The following WDR70 variants were observed in gnomAD, a reference collection of about 807,000 sequenced individuals.
WDR70 encodes WD repeat-containing protein 70.
A neutral mutation model predicts 88.6 loss-of-function variants in WDR70; 53 were observed. That is an observed-to-expected ratio of 0.60 (90% confidence interval 0.48 to 0.75). The LOEUF (loss-of-function observed/expected upper bound fraction) is 0.75, where lower values mean the gene tolerates loss of function less well. Ranked by LOEUF, WDR70 falls within the 30% of genes least tolerant of loss-of-function variation. The probability of loss-of-function intolerance (pLI) is 0.00; values close to 1 mark genes in which losing one functional copy is unlikely to be tolerated. For missense variants in WDR70, 610 were observed against 823.2 expected, an observed-to-expected ratio of 0.74 and a Z score of 3.17; for synonymous variants, 280 against 270.0, an observed-to-expected ratio of 1.04 and a Z score of -0.36.
chr5:37,721,593 C>A, intron 14 of WDR70: 1 of 182,702 alleles, frequency 5.5e-6, no homozygotes, highest in African/African-American at 2.3e-5. Flanking sequence ...ATCAGCTTGT[C>A]CATTTTGCTT....
At chr5:37,441,996 G>A (rs906064464) in intron 6 of WDR70, among the ~76,000 whole-genome samples, 15 of 151,428 alleles carry the variant, frequency 9.9e-5, no homozygotes, top group East Asian at 1.9e-4. Context: ...GGATATTGAC[G>A]TGTGAATTGG....
chr5:37,408,338 A>ATGG (rs1749417694), intron 5 of WDR70, among the ~76,000 whole-genome samples: 2 of 152,074 alleles, frequency 1.3e-5, no homozygotes, highest in Admixed American at 1.3e-4. Flanking sequence ...GCCAGGTGTC[A>ATGG]TGGCACACGC....
At chr5:37,497,409 C>G (rs1387326409) in intron 8 of WDR70, among the ~76,000 whole-genome samples, 1 of 118,610 alleles carries the variant, frequency 8.4e-6, no homozygotes, top group African/African-American at 3.2e-5. Flanking sequence ...TCCTTCCCCT[C>G]CCCTCCCCTT....
intron 5 of WDR70, among the ~76,000 whole-genome samples, chr5:37,405,039 C>A (rs1006347404): frequency 6.6e-6 from 1 of 152,074 alleles, no homozygotes; most frequent in Non-Finnish European, 1.5e-5. Context: ...AGAGCTTTCT[C>A]TTGATGAAAG....
At chr5:37,686,675 C>T (rs1242014818) in intron 10 of WDR70, among the ~76,000 whole-genome samples, 2 of 151,918 alleles carry the variant, frequency 1.3e-5, no homozygotes, top group African/African-American at 2.4e-5. Flanking sequence ...ACTGATATTC[C>T]TTATAATGTA....
intron 13 of WDR70, among the ~76,000 whole-genome samples, chr5:37,712,984 G>A (rs1747557612): frequency 6.6e-6 from 1 of 152,098 alleles, no homozygotes; most frequent in Non-Finnish European, 1.5e-5. Flanking sequence ...GAGCCATCGC[G>A]CCTGGCCTCA....
At chr5:37,716,980 G>C (rs1039719137) in intron 13 of WDR70, among the ~76,000 whole-genome samples, 1 of 151,950 alleles carries the variant, frequency 6.6e-6, no homozygotes. Context: ...CTGCAGAGAA[G>C]AAAAAAATCT....
chr5:37,409,063 C>T lies in WDR70; in HGVS notation c.492+12493C>T, dbSNP rs555904571. Among the ~76,000 whole-genome samples, 11 of 152,056 alleles carry T rather than the reference C, an allele frequency of 7.2e-5. No homozygotes were observed. In the South Asian group the frequency reaches 8.3e-4, roughly 12 times the overall value. On this transcript the variant is annotated intron_variant, in intron 5 of 17. Coordinates refer to ENST00000265107, the MANE Select transcript of WDR70 (RefSeq NM_018034.4). ...AAGTGATTCTCCTGCCTGAGCCTCC[C>T]GAGTAGCTGGGATTACAGGCACCTG...
chr5:37,632,473 A>G (rs1304019576), intron 10 of WDR70, among the ~76,000 whole-genome samples: 1 of 152,148 alleles, frequency 6.6e-6, no homozygotes, highest in Non-Finnish European at 1.5e-5. Flanking sequence ...CAGTGGGTTG[A>G]TATATAATGG....
rs138800165 is a variant in WDR70 at position 37,552,405 on chromosome 5, T to C, written c.917+35815T>C. ...CTGTAAAATAAGACTTAGACTACAT[T>C]AATTTAATCCTGACCTTTAAAGAAA... On this transcript the variant is annotated intron_variant, in intron 9 of 17. Transcript: ENST00000265107. 2.0e-3 allele frequency among the ~76,000 whole-genome samples: 307 copies of C among 152,320 alleles called. 3 individuals are homozygous for C. The highest frequency in any genetic ancestry group is 0.01 in the Middle Eastern group (3 of 294).
intron 8 of WDR70, among the ~76,000 whole-genome samples, chr5:37,483,767 C>T (rs187772941): frequency 0.031 from 4,358 of 142,394 alleles, 88 homozygotes; most frequent in Middle Eastern, 0.097. Context: ...GCTGGCCGGG[C>T]GGGGGCTGAC....
At chr5:37,650,028 C>T (rs867835382) in intron 10 of WDR70, among the ~76,000 whole-genome samples, 4 of 52,810 alleles carry the variant, frequency 7.6e-5, no homozygotes, top group African/African-American at 1.5e-4. Context: ...TGAGCCACTG[C>T]GCCCGGCCTA....
chr5:37,697,174 C>T (rs888456870), intron 10 of WDR70, among the ~76,000 whole-genome samples: 1 of 152,208 alleles, frequency 6.6e-6, no homozygotes. Context: ...TTATTATTAT[C>T]ATTATTCATT....
chr5:37,545,064 T>A (rs1231630812), intron 9 of WDR70, among the ~76,000 whole-genome samples: 3 of 152,186 alleles, frequency 2.0e-5, no homozygotes, highest in Non-Finnish European at 4.4e-5. Flanking sequence ...TAATTTAACA[T>A]CTCTGTAATT....
In WDR70 at chr5:37,695,465, C is replaced by T. The variant is rs186813720; in HGVS notation, c.1093-2190C>T. The stretch of plus-strand genomic sequence containing the variant: ...CATTTCCTATAGGTAAGAAGTCTGG[C>T]ACAGCGTGGCTGGATTCTCTTCTCA... On this transcript the variant is annotated intron_variant, in intron 10 of 17. Transcript: ENST00000265107. Among the ~76,000 whole-genome samples, 599 of 152,268 alleles carry T rather than the reference C, an allele frequency of 3.9e-3. 6 individuals carry two copies. The highest frequency in any genetic ancestry group is 4.0e-3 in the Non-Finnish European group (274 of 68,010).
intron 9 of WDR70, among the ~76,000 whole-genome samples, chr5:37,567,689 GTCA>G (rs1315859226): frequency 1.3e-5 from 2 of 151,908 alleles, no homozygotes; most frequent in Non-Finnish European, 2.9e-5. Context: ...TAATTGGGTA[GTCA>G]TCATAAAAAA....
At chr5:37,572,907 G>T (rs1405108844) in intron 9 of WDR70, among the ~76,000 whole-genome samples, 5 of 152,102 alleles carry the variant, frequency 3.3e-5, no homozygotes, top group Non-Finnish European at 7.4e-5. Context: ...GCATAATCTT[G>T]TTCTAACTCT....
intron 10 of WDR70, among the ~76,000 whole-genome samples, chr5:37,676,466 G>A (rs1421954038): frequency 1.3e-5 from 2 of 152,024 alleles, no homozygotes; most frequent in Admixed American, 1.3e-4. Flanking sequence ...TTTGTCAAAG[G>A]CCTTTTCTGC....
At chr5:37,752,390 C>T in intron 17 of WDR70, 96 bp from the exon 18 acceptor site, 38 of 742,200 alleles carry the variant, frequency 5.1e-5, no homozygotes, top group East Asian at 1.1e-4. Context: ...TAATTTATTC[C>T]CCACATTTGC....
Sources: allele counts gnomAD v4.1 joint callset (sites outside exome capture counted in the v4.1 genomes callset), GRCh38; gene constraint gnomAD v4.1.1; transcripts MANE v1.5; gene names NCBI Gene and HGNC (gene_info 2026-07-23, HGNC 2026-07-21).